Variants in RALGPS1 observed in about 807,000 individuals in gnomAD.
RALGPS1 encodes the protein Ral GEF with PH domain and SH3 binding motif 1, also known as ras-specific guanine nucleotide-releasing factor RalGPS1.
A neutral mutation model predicts 78.8 loss-of-function variants in RALGPS1; 19 were observed. The ratio of observed to expected loss-of-function variants is 0.24; its 90% confidence interval spans 0.17 to 0.35. The LOEUF (loss-of-function observed/expected upper bound fraction) is 0.35. RALGPS1 is among the 10% of genes least tolerant of loss of function. RALGPS1 has a pLI of 1.00. For synonymous variants in RALGPS1, 228 were observed against 256.3 expected, an observed-to-expected ratio of 0.89 and a Z score of 1.06; for missense variants, 454 against 688.3, an observed-to-expected ratio of 0.66 and a Z score of 3.81.
At chr9:126,934,434 C>T (rs561098603) in intron 1 of RALGPS1, among the ~76,000 whole-genome samples, 1 of 152,268 alleles carries the variant, frequency 6.6e-6, no homozygotes, top group Non-Finnish European at 1.5e-5. Context: ...TTTGAGTAGG[C>T]GGTCATGCCG....
At chr9:126,991,427 G>T (rs1429266054) in intron 4 of RALGPS1, among the ~76,000 whole-genome samples, 1 of 151,982 alleles carries the variant, frequency 6.6e-6, no homozygotes, top group Non-Finnish European at 1.5e-5. Flanking sequence ...CATTAGTGTT[G>T]GTTAGAAACC....
intron 18 of RALGPS1, 110 bp downstream of exon 18, chr9:127,214,952 A>T: frequency 1.3e-6 from 2 of 1,526,694 alleles, no homozygotes; most frequent in Non-Finnish European, 1.8e-6. Flanking sequence ...CATTAGCCAC[A>T]CTCTCAGATA....
chr9:127,049,355 C>A (rs1417000129), intron 5 of RALGPS1, among the ~76,000 whole-genome samples: 1 of 152,178 alleles, frequency 6.6e-6, no homozygotes, highest in East Asian at 1.9e-4. Flanking sequence ...GGGGTTCAGG[C>A]TGTTGCAGTA....
intron 8 of RALGPS1, among the ~76,000 whole-genome samples, chr9:127,071,322 G>A (rs575878751): frequency 6.6e-6 from 1 of 152,070 alleles, no homozygotes; most frequent in South Asian, 2.1e-4. Context: ...TATCAATCAA[G>A]GATGTGCATT....
At chr9:127,137,250 T>C (rs898960314) in intron 8 of RALGPS1, among the ~76,000 whole-genome samples, 18 of 152,194 alleles carry the variant, frequency 1.2e-4, no homozygotes, top group African/African-American at 4.3e-4. Context: ...GGCCACAGTG[T>C]ATCCTGTCCC....
chr9:127,042,286 G>C (rs1589165301), intron 5 of RALGPS1, among the ~76,000 whole-genome samples: 1 of 151,986 alleles, frequency 6.6e-6, no homozygotes, highest in African/African-American at 2.4e-5. Context: ...GTTAATAATA[G>C]GTTATGTGTA....
intron 8 of RALGPS1, among the ~76,000 whole-genome samples, chr9:127,117,785 A>T (rs1435032564): frequency 6.6e-6 from 1 of 152,254 alleles, no homozygotes; most frequent in Non-Finnish European, 1.5e-5. Flanking sequence ...AGACAGACAC[A>T]GCCTTTCCCT....
At position 127,039,781 on chromosome 9, in the gene RALGPS1, G is replaced by A. The variant is rs1423679040; in HGVS notation, c.300+5267G>A. On this transcript the variant is annotated intron_variant, in intron 5 of 18. Transcript: ENST00000259351. The stretch of plus-strand genomic sequence containing the variant: ...GCTTTTCTTCGTCAGTGAAATGGGA[G>A]GGAAAGGGGGAAGGAGTGGGGCGAG... Among the ~76,000 whole-genome samples, 3 of 152,226 alleles carry A rather than the reference G, an allele frequency of 2.0e-5. No homozygotes were observed. In the East Asian group the frequency reaches 5.8e-4, roughly 29 times the overall value.
intron 8 of RALGPS1, among the ~76,000 whole-genome samples, chr9:127,102,806 G>C (rs2053866879): frequency 6.6e-6 from 1 of 152,216 alleles, no homozygotes; most frequent in Non-Finnish European, 1.5e-5. Context: ...AGTGCTCTTT[G>C]AGAAATCACT....
At chr9:127,100,105 GTAGGT>G (rs2053569442) in intron 8 of RALGPS1, among the ~76,000 whole-genome samples, 1 of 152,184 alleles carries the variant, frequency 6.6e-6, no homozygotes, top group Non-Finnish European at 1.5e-5. Flanking sequence ...AAAACAACTT[GTAGGT>G]TAGATTTTTT....
At chr9:127,099,685 G>GTA in intron 8 of RALGPS1, among the ~76,000 whole-genome samples, 1 of 152,324 alleles carries the variant, frequency 6.6e-6, no homozygotes, top group South Asian at 2.1e-4. Context: ...GGTTATGGAT[G>GTA]TATATATATT....
At chr9:127,046,153 A>G (rs1346085158) in intron 5 of RALGPS1, among the ~76,000 whole-genome samples, 1 of 152,248 alleles carries the variant, frequency 6.6e-6, no homozygotes, top group Non-Finnish European at 1.5e-5. Flanking sequence ...CCAAAGTATA[A>G]AATAAATATC....
At chr9:127,033,365 C>T (rs1324919099) in intron 4 of RALGPS1, among the ~76,000 whole-genome samples, 1 of 152,112 alleles carries the variant, frequency 6.6e-6, no homozygotes, top group Non-Finnish European at 1.5e-5. Context: ...CAGGCGTGGC[C>T]CTTCAGACGT....
intron 7 of RALGPS1, among the ~76,000 whole-genome samples, chr9:127,063,467 C>G (rs2049393847): frequency 6.6e-6 from 1 of 152,156 alleles, no homozygotes; most frequent in African/African-American, 2.4e-5. Context: ...TAGCCCCTTT[C>G]TCAGTCCTAT....
intron 11 of RALGPS1, 49 bp downstream of exon 11, chr9:127,174,831 G>T (rs1246982995): frequency 6.4e-7 from 1 of 1,560,412 alleles, no homozygotes; most frequent in Non-Finnish European, 8.8e-7. Flanking sequence ...TAGCCTAATT[G>T]TGGCTGCCAG....
At chr9:127,177,371 C>T (rs992936661) in intron 11 of RALGPS1, among the ~76,000 whole-genome samples, 1 of 152,224 alleles carries the variant, frequency 6.6e-6, no homozygotes, top group Admixed American at 6.5e-5. Context: ...CCCTCATCTG[C>T]CAGCCTGGCT....
intron 11 of RALGPS1, among the ~76,000 whole-genome samples, chr9:127,179,579 G>C (rs113602414): frequency 1.9e-3 from 289 of 152,332 alleles, no homozygotes; most frequent in African/African-American, 6.5e-3. Flanking sequence ...GAGGCCCTAA[G>C]ACATGTTCAT....
At chr9:127,058,686 T>C (rs564998183) in intron 7 of RALGPS1, among the ~76,000 whole-genome samples, 23 of 152,264 alleles carry the variant, frequency 1.5e-4, no homozygotes, top group Admixed American at 3.9e-4. Context: ...GCTTTGTGAG[T>C]GATCTAAGGG....
intron 11 of RALGPS1, among the ~76,000 whole-genome samples, chr9:127,181,945 A>G (rs1011179654): frequency 6.6e-6 from 1 of 151,906 alleles, no homozygotes; most frequent in African/African-American, 2.4e-5. Context: ...ATGGGCCACA[A>G]CTGGCCTCCT....
Sources: allele counts gnomAD v4.1 joint callset (sites outside exome capture counted in the v4.1 genomes callset), GRCh38; gene constraint gnomAD v4.1.1; transcripts MANE v1.5; gene names NCBI Gene and HGNC (gene_info 2026-07-23, HGNC 2026-07-21).